The following CCSER1 variants were observed in gnomAD, a reference collection of about 807,000 sequenced individuals.
CCSER1 encodes serine-rich coiled-coil domain-containing protein 1.
In CCSER1, 41 loss-of-function variants were observed where a neutral mutation model predicts 82.0. That is an observed-to-expected ratio of 0.50 (90% confidence interval 0.39 to 0.65). The LOEUF (loss-of-function observed/expected upper bound fraction) is 0.65, where lower values mean the gene tolerates loss of function less well. Ranked by LOEUF, CCSER1 falls within the 30% of genes least tolerant of loss-of-function variation. The pLI, the probability that CCSER1 is intolerant of heterozygous loss-of-function variation, is 0.00. For missense variants in CCSER1, 1,119 were observed against 1,064.2 expected (o/e 1.05, Z -0.72); for synonymous variants, 414 against 383.9 (o/e 1.08, Z -0.92).
chr4:90,706,444 T>C (rs947639910), intron 6 of CCSER1, among the ~76,000 whole-genome samples: 11 of 152,098 alleles, frequency 7.2e-5, no homozygotes, highest in Non-Finnish European at 1.2e-4. Context: ...ACCCTGTCTC[T>C]AAAAAGTCAA....
chr4:90,990,883 C>T (rs780128832), intron 9 of CCSER1, among the ~76,000 whole-genome samples: 62 of 151,908 alleles, frequency 4.1e-4, no homozygotes, highest in Non-Finnish European at 7.1e-4. Context: ...TAGGAAGTGG[C>T]AGCAGAATTT....
At chr4:90,865,807 T>C (rs1284917002) in intron 8 of CCSER1, among the ~76,000 whole-genome samples, 1 of 152,010 alleles carries the variant, frequency 6.6e-6, no homozygotes, top group Non-Finnish European at 1.5e-5. Flanking sequence ...TATTAGTCCA[T>C]GCTTGCACTG....
intron 5 of CCSER1, among the ~76,000 whole-genome samples, chr4:90,543,603 G>A (rs1010888355): frequency 1.3e-5 from 2 of 152,144 alleles, no homozygotes; most frequent in African/African-American, 4.8e-5. Context: ...CCATGACAGA[G>A]TCCATTGCAG....
chr4:91,588,155 G>T (rs1764097603), intron 10 of CCSER1, among the ~76,000 whole-genome samples: 1 of 151,328 alleles, frequency 6.6e-6, no homozygotes, highest in African/African-American at 2.4e-5. Context: ...CTTTGAAGCT[G>T]GTGGCCCATC....
At chr4:91,062,874 T>C (rs574903624) in intron 9 of CCSER1, among the ~76,000 whole-genome samples, 1 of 152,142 alleles carries the variant, frequency 6.6e-6, no homozygotes, top group South Asian at 2.1e-4. Flanking sequence ...TTAATATTGT[T>C]GTACCTTGTT....
chr4:90,269,014 C>T (rs185111031), intron 1 of CCSER1, among the ~76,000 whole-genome samples: 9 of 152,090 alleles, frequency 5.9e-5, no homozygotes, highest in Admixed American at 6.5e-5. Context: ...TATAAATATA[C>T]GTGCATTCAA....
intron 1 of CCSER1, among the ~76,000 whole-genome samples, chr4:90,296,175 T>A (rs538659894): frequency 1.4e-4 from 22 of 152,190 alleles, no homozygotes; most frequent in African/African-American, 5.3e-4. Context: ...GTTCATAATA[T>A]TGTCAGTTCT....
intron 10 of CCSER1, among the ~76,000 whole-genome samples, chr4:91,382,066 C>G (rs1241836165): frequency 6.6e-6 from 1 of 152,142 alleles, no homozygotes; most frequent in Non-Finnish European, 1.5e-5. Flanking sequence ...GGCTGCCGAA[C>G]AGTGGATATT....
chr4:91,280,795 C>G (rs938827433), intron 10 of CCSER1, among the ~76,000 whole-genome samples: 2 of 152,166 alleles, frequency 1.3e-5, no homozygotes, highest in Admixed American at 6.5e-5. Flanking sequence ...GCTCTGACAG[C>G]AGCCAGCAGC....
chr4:90,951,847 T>A (rs17198799), intron 9 of CCSER1, among the ~76,000 whole-genome samples: 5 of 151,824 alleles, frequency 3.3e-5, no homozygotes, highest in Non-Finnish European at 7.4e-5. Flanking sequence ...GATACTGAGG[T>A]GATTAGGTAA....
chr4:90,564,501 T>A (rs11730252), intron 5 of CCSER1, among the ~76,000 whole-genome samples: 43,068 of 152,038 alleles, frequency 0.28, 6,417 homozygotes, highest in East Asian at 0.51. Flanking sequence ...GATTGTTTCC[T>A]TTACTGGGCA....
chr4:90,178,644 C>T (rs1733159009), intron 1 of CCSER1, among the ~76,000 whole-genome samples: 1 of 152,012 alleles, frequency 6.6e-6, no homozygotes, highest in Non-Finnish European at 1.5e-5. Context: ...ATGAGAAAAG[C>T]AGGTGGGGAG....
chr4:91,380,187 T>G (rs1164997643), intron 10 of CCSER1, among the ~76,000 whole-genome samples: 3 of 152,230 alleles, frequency 2.0e-5, no homozygotes. Context: ...AATTTTGGAA[T>G]AAGTGCGATG....
chr4:91,589,983 C>G (rs1764190379), intron 10 of CCSER1, among the ~76,000 whole-genome samples: 1 of 151,980 alleles, frequency 6.6e-6, no homozygotes, highest in Non-Finnish European at 1.5e-5. Flanking sequence ...GCCTAGAGTT[C>G]ATTTACTCTA....
At chr4:90,732,803 A>G (rs1342152567) in intron 7 of CCSER1, among the ~76,000 whole-genome samples, 1 of 152,154 alleles carries the variant, frequency 6.6e-6, no homozygotes, top group Non-Finnish European at 1.5e-5. Flanking sequence ...TTTCCTTGGC[A>G]TATTTCACTT....
chr4:90,637,625 T>G (rs1725666037), intron 6 of CCSER1, among the ~76,000 whole-genome samples: 1 of 152,106 alleles, frequency 6.6e-6, no homozygotes, highest in African/African-American at 2.4e-5. Flanking sequence ...AATCTCAAAA[T>G]CTAAAGTGTG....
intron 7 of CCSER1, among the ~76,000 whole-genome samples, chr4:90,762,606 T>C (rs752833712): frequency 1.3e-5 from 2 of 152,164 alleles, no homozygotes; most frequent in Non-Finnish European, 2.9e-5. Flanking sequence ...ACTTTGATTA[T>C]GCATCACCTC....
chr4:90,380,381 G>C (rs1322462272), intron 3 of CCSER1, among the ~76,000 whole-genome samples: 1 of 152,068 alleles, frequency 6.6e-6, no homozygotes, highest in Non-Finnish European at 1.5e-5. Flanking sequence ...TAATATTTTA[G>C]TTACTTAATT....
intron 10 of CCSER1, among the ~76,000 whole-genome samples, chr4:91,454,315 G>C (rs561100985): frequency 5.3e-5 from 8 of 152,128 alleles, no homozygotes; most frequent in African/African-American, 1.9e-4. Flanking sequence ...CCAGCTCCTA[G>C]ATCTGCATTC....
Sources: gnomAD v4.1 joint callset for allele counts (sites outside exome capture counted in the v4.1 genomes callset) on GRCh38, gnomAD v4.1.1 for gene constraint, MANE v1.5 for transcripts, NCBI Gene and HGNC (gene_info 2026-07-23, HGNC 2026-07-21) for gene names.